MRPS28: variants seen among roughly 807,000 people sequenced by gnomAD.
The protein encoded by MRPS28 is small ribosomal subunit protein bS1m.
In MRPS28, 7 loss-of-function variants were observed where a neutral mutation model predicts 10.8. The ratio of observed to expected loss-of-function variants is 0.65; its 90% CI spans 0.37 to 1.22. MRPS28 has a LOEUF of 1.22. Ranked by LOEUF, MRPS28 falls within the 50% of genes most tolerant of loss-of-function variation. MRPS28 has a pLI of 0.02. For missense variants in MRPS28, 265 were observed against 232.9 expected (o/e 1.14, Z -0.90); for synonymous variants, 121 against 93.3 (o/e 1.30, Z -1.71).
chr8:80,006,108 T>C (rs887697842), intron 1 of MRPS28, among the ~76,000 whole-genome samples: 2 of 152,174 alleles, frequency 1.3e-5, no homozygotes, highest in African/African-American at 2.4e-5. Context: ...TATCCAGGAA[T>C]TGAACTCAGC....
intron 2 of MRPS28, among the ~76,000 whole-genome samples, chr8:79,965,974 G>A (rs1807493802): frequency 6.6e-6 from 1 of 151,988 alleles, no homozygotes; most frequent in Admixed American, 6.6e-5. Flanking sequence ...CTGAACATAT[G>A]TAAGTATTCA....
intron 2 of MRPS28, among the ~76,000 whole-genome samples, chr8:79,966,875 C>A (rs1326661450): frequency 6.6e-6 from 1 of 152,102 alleles, no homozygotes; most frequent in African/African-American, 2.4e-5. Context: ...ATAATCTTCT[C>A]TGGCCGGGCT....
intron 2 of MRPS28, among the ~76,000 whole-genome samples, chr8:79,993,275 C>T (rs1287366309): frequency 6.6e-6 from 1 of 152,132 alleles, no homozygotes; most frequent in Non-Finnish European, 1.5e-5. Flanking sequence ...AAGTAGTTTC[C>T]AGATTCACTT....
intron 1 of MRPS28, among the ~76,000 whole-genome samples, chr8:80,022,683 G>A (rs184949885): frequency 2.0e-5 from 3 of 152,338 alleles, no homozygotes; most frequent in African/African-American, 7.2e-5. Flanking sequence ...CCACTTGAAT[G>A]TGCTTAATTG....
chr8:80,004,652 T>A lies in MRPS28; in HGVS notation c.214-1472A>T, dbSNP rs187541140. Reference sequence around the variant, plus strand: ...CTGGACAGAGAATGACTTTGATGACTTGAGAGAAGAAGGCTTCAGACGATC... The same window carrying A: ...CTGGACAGAGAATGACTTTGATGACATGAGAGAAGAAGGCTTCAGACGATC... On this transcript the variant is annotated intron_variant, in intron 1 of 2. Transcript: ENST00000276585. 7.0e-4 allele frequency among the ~76,000 whole-genome samples: 107 copies of A among 152,280 alleles called. 1 individual carries two copies. The highest frequency in any genetic ancestry group is 1.3e-3 in the Non-Finnish European group (91 of 68,016).
At chr8:79,963,997 G>A (rs1238536025) in intron 2 of MRPS28, among the ~76,000 whole-genome samples, 2 of 152,056 alleles carry the variant, frequency 1.3e-5, no homozygotes, top group African/African-American at 4.8e-5. Flanking sequence ...TATTTATAGA[G>A]TTATTGACTG....
At chr8:79,990,257 C>T (rs1003375188) in intron 2 of MRPS28, among the ~76,000 whole-genome samples, 3 of 152,094 alleles carry the variant, frequency 2.0e-5, no homozygotes, top group African/African-American at 7.2e-5. Flanking sequence ...ACGGCTGTGA[C>T]CTCTATTTTT....
chr8:80,003,880 C>T (rs1450577354), intron 1 of MRPS28, among the ~76,000 whole-genome samples: 2 of 152,200 alleles, frequency 1.3e-5, no homozygotes, highest in East Asian at 1.9e-4. Flanking sequence ...CACGGAGCCT[C>T]GCTCATTGCT....
chr8:79,977,496 T>C (rs917880650), intron 2 of MRPS28, among the ~76,000 whole-genome samples: 4 of 152,160 alleles, frequency 2.6e-5, no homozygotes, highest in African/African-American at 7.2e-5. Context: ...AAGTTTCCTT[T>C]GATCAATAAA....
intron 2 of MRPS28, among the ~76,000 whole-genome samples, chr8:79,961,916 T>C (rs1807379931): frequency 6.6e-6 from 1 of 152,128 alleles, no homozygotes; most frequent in Non-Finnish European, 1.5e-5. Flanking sequence ...AGCATGCCAT[T>C]TGAGTAAATA....
At chr8:80,010,305 C>T (rs1242036761) in intron 1 of MRPS28, among the ~76,000 whole-genome samples, 1 of 152,156 alleles carries the variant, frequency 6.6e-6, no homozygotes, top group Non-Finnish European at 1.5e-5. Context: ...ATCTGACGAC[C>T]TAAATGCTGT....
intron 2 of MRPS28, among the ~76,000 whole-genome samples, chr8:79,973,877 A>T (rs1807708611): frequency 6.6e-6 from 1 of 151,900 alleles, no homozygotes; most frequent in East Asian, 1.9e-4. Context: ...TGAAGAATCT[A>T]AGCAGATACA....
intron 1 of MRPS28, among the ~76,000 whole-genome samples, chr8:80,007,468 G>A (rs536558752): frequency 8.5e-5 from 13 of 152,278 alleles, no homozygotes; most frequent in East Asian, 7.7e-4. Context: ...ATTAGGAAAA[G>A]AGGAAGTCAA....
chr8:79,944,004 T>C (rs971263021), intron 2 of MRPS28, among the ~76,000 whole-genome samples: 2 of 152,228 alleles, frequency 1.3e-5, no homozygotes, highest in African/African-American at 4.8e-5. Flanking sequence ...GTGCCACTAC[T>C]ATTTGTATTT....
chr8:79,990,194 C>T (rs912393408), intron 2 of MRPS28, among the ~76,000 whole-genome samples: 2 of 152,018 alleles, frequency 1.3e-5, no homozygotes, highest in Non-Finnish European at 2.9e-5. Context: ...ATAACCATAA[C>T]ATGTCTAAAA....
intron 2 of MRPS28, among the ~76,000 whole-genome samples, chr8:79,984,567 GGGAT>G (rs1808092773): frequency 6.6e-6 from 1 of 152,110 alleles, no homozygotes; most frequent in Non-Finnish European, 1.5e-5. Flanking sequence ...TCAAAATAAA[GGGAT>G]GGAGGAAGAT....
At chr8:79,943,935 T>C (rs2129941905) in intron 2 of MRPS28, among the ~76,000 whole-genome samples, 1 of 152,268 alleles carries the variant, frequency 6.6e-6, no homozygotes, top group East Asian at 1.9e-4. Context: ...AGACACAATA[T>C]AGGGAATAGT....
intron 2 of MRPS28, among the ~76,000 whole-genome samples, chr8:79,953,439 A>G (rs1252837161): frequency 6.6e-6 from 1 of 152,208 alleles, no homozygotes; most frequent in Non-Finnish European, 1.5e-5. Context: ...ATTTTTGGAA[A>G]AAGGTAGCAC....
chr8:80,029,947 C>A, intron 1 of MRPS28, 89 bp downstream of exon 1: 1 of 1,539,380 alleles, frequency 6.5e-7, no homozygotes, highest in Non-Finnish European at 8.7e-7. Flanking sequence ...GCTCCCCTTC[C>A]TAAGCCAGGC....
Sources: allele counts gnomAD v4.1 joint callset (sites outside exome capture counted in the v4.1 genomes callset), GRCh38; gene constraint gnomAD v4.1.1; transcripts MANE v1.5; gene names NCBI Gene and HGNC (gene_info 2026-07-23, HGNC 2026-07-21).